Variants in AGBL4 observed in about 807,000 individuals in gnomAD.
AGBL4 encodes the protein AGBL carboxypeptidase 4, also known as cytosolic carboxypeptidase 6.
In AGBL4, 58 loss-of-function variants were observed where a neutral mutation model predicts 66.4. That is an observed-to-expected ratio of 0.87 (90% CI 0.71 to 1.09). AGBL4 has a LOEUF of 1.09. AGBL4 is among the 50% of genes least tolerant of loss of function. The pLI is 0.00. For missense variants in AGBL4, 579 were observed against 631.0 expected, an observed-to-expected ratio of 0.92 and a Z score of 0.88; for synonymous variants, 234 against 222.9, an observed-to-expected ratio of 1.05 and a Z score of -0.44.
At chr1:49,555,381 G>A (rs1653346138) in intron 3 of AGBL4, among the ~76,000 whole-genome samples, 1 of 145,258 alleles carries the variant, frequency 6.9e-6, no homozygotes, top group South Asian at 2.2e-4. Flanking sequence ...CAATCCTTTA[G>A]CTAGACACAA....
At position 49,485,054 on chromosome 1, in the gene AGBL4, C is replaced by T. The variant is rs547196849; in HGVS notation, c.282+212259G>A. ...CATTGGGGAAGTCAGTGTGGCGATT[C>T]CTCAGGGATCTAGAACTAGAAATAC... On this transcript the variant is annotated intron_variant, in intron 3 of 13. Coordinates refer to ENST00000371839, the MANE Select transcript of AGBL4 (RefSeq NM_032785.4). Among the ~76,000 whole-genome samples, 240 of 152,018 alleles carry T rather than the reference C, an allele frequency of 1.6e-3. 2 individuals are homozygous for T. The highest frequency in any genetic ancestry group is 4.9e-3 in the African/African-American group (204 of 41,488).
chr1:49,864,766 T>C (rs1227222374), intron 1 of AGBL4, among the ~76,000 whole-genome samples: 1 of 152,102 alleles, frequency 6.6e-6, no homozygotes, highest in African/African-American at 2.4e-5. Flanking sequence ...TGCCTAAAAT[T>C]ATCAAGTTCC....
chr1:49,627,905 T>C (rs78784163), intron 3 of AGBL4, among the ~76,000 whole-genome samples: 1 of 152,290 alleles, frequency 6.6e-6, no homozygotes, highest in African/African-American at 2.4e-5. Context: ...ATCCCAGATA[T>C]ACCATTTCCA....
chr1:48,770,346 G>A lies in AGBL4; in HGVS notation c.634+96845C>T, dbSNP rs1644751150. On this transcript the variant is annotated intron_variant, in intron 6 of 13. Transcript: ENST00000371839. ...GAAACCCAAACAAGCCTAGTTCTAG[G>A]ATCCAAAGACCTCTCTTCTCATTTG... 2.0e-5 allele frequency among the ~76,000 whole-genome samples: 3 copies of A among 152,146 alleles called. No individual in the cohort carries two copies. In the South Asian group the frequency reaches 6.2e-4, roughly 32 times the overall value.
chr1:48,967,846 A>G (rs1658568822), intron 5 of AGBL4, among the ~76,000 whole-genome samples: 1 of 152,182 alleles, frequency 6.6e-6, no homozygotes, highest in African/African-American at 2.4e-5. Context: ...GTTGTTCTGT[A>G]TGCTCTAGAA....
intron 4 of AGBL4, among the ~76,000 whole-genome samples, chr1:49,049,969 T>A (rs1360511227): frequency 6.6e-6 from 1 of 152,108 alleles, no homozygotes; most frequent in Non-Finnish European, 1.5e-5. Flanking sequence ...ATTCATATTA[T>A]ATCAATGGTA....
At chr1:49,692,231 G>T (rs933639682) in intron 3 of AGBL4, among the ~76,000 whole-genome samples, 1 of 152,126 alleles carries the variant, frequency 6.6e-6, no homozygotes, top group African/African-American at 2.4e-5. Context: ...AGAAAACTGA[G>T]GTACCAAGAG....
At chr1:49,299,389 C>T (rs1199294330) in intron 3 of AGBL4, among the ~76,000 whole-genome samples, 4 of 152,190 alleles carry the variant, frequency 2.6e-5, no homozygotes, top group Non-Finnish European at 5.9e-5. Context: ...AACATTACTA[C>T]TGTAGATGGG....
chr1:49,799,893 A>AT (rs1218579291), intron 2 of AGBL4, among the ~76,000 whole-genome samples: 1 of 152,174 alleles, frequency 6.6e-6, no homozygotes, highest in African/African-American at 2.4e-5. Flanking sequence ...AAATAAAATT[A>AT]TACCTTCCAC....
intron 4 of AGBL4, among the ~76,000 whole-genome samples, chr1:49,216,880 T>A (rs1435171550): frequency 1.3e-5 from 2 of 152,162 alleles, no homozygotes; most frequent in Non-Finnish European, 2.9e-5. Flanking sequence ...CCCAGCCATG[T>A]ATGAATTTGG....
intron 4 of AGBL4, among the ~76,000 whole-genome samples, chr1:49,202,754 A>T (rs1486213220): frequency 6.6e-6 from 1 of 152,146 alleles, no homozygotes; most frequent in African/African-American, 2.4e-5. Flanking sequence ...AAAAATAGAC[A>T]AATGAGACAA....
intron 3 of AGBL4, among the ~76,000 whole-genome samples, chr1:49,297,166 C>T (rs1164922276): frequency 6.6e-6 from 1 of 152,216 alleles, no homozygotes; most frequent in African/African-American, 2.4e-5. Context: ...TCACATCTGG[C>T]CAAGAGAATC....
At chr1:49,125,569 T>A (rs765811386) in intron 4 of AGBL4, among the ~76,000 whole-genome samples, 4 of 151,740 alleles carry the variant, frequency 2.6e-5, no homozygotes, top group Non-Finnish European at 5.9e-5. Context: ...ATGAGATATG[T>A]TAAGCTCTAC....
At chr1:48,946,628 C>T (rs996962170) in intron 5 of AGBL4, among the ~76,000 whole-genome samples, 2 of 152,192 alleles carry the variant, frequency 1.3e-5, no homozygotes, top group Non-Finnish European at 2.9e-5. Context: ...CACTCTGTGT[C>T]GGGTTCCTTC....
intron 2 of AGBL4, among the ~76,000 whole-genome samples, chr1:49,789,045 G>A (rs1644528422): frequency 6.6e-6 from 1 of 152,140 alleles, no homozygotes; most frequent in Non-Finnish European, 1.5e-5. Context: ...AGAGTTTTGA[G>A]CATGAAGCGG....
intron 5 of AGBL4, among the ~76,000 whole-genome samples, chr1:48,944,537 T>C (rs1656293498): frequency 6.6e-6 from 1 of 152,084 alleles, no homozygotes; most frequent in Non-Finnish European, 1.5e-5. Context: ...CCAGAAAGGC[T>C]ATGAAAGCAT....
intron 6 of AGBL4, among the ~76,000 whole-genome samples, chr1:48,723,112 C>A (rs1647177859): frequency 6.6e-6 from 1 of 152,196 alleles, no homozygotes; most frequent in African/African-American, 2.4e-5. Context: ...TGTAGCCTGC[C>A]ACACATGCAA....
intron 2 of AGBL4, among the ~76,000 whole-genome samples, chr1:49,789,825 T>C (rs1644550287): frequency 1.3e-5 from 2 of 152,164 alleles, no homozygotes; most frequent in South Asian, 2.1e-4. Context: ...AATTAGAAAA[T>C]ACTACTTTAC....
In AGBL4 at chr1:49,280,164, T is replaced by C. The variant is rs1210479040; in HGVS notation, c.283-34300A>G. On this transcript the variant is annotated intron_variant, in intron 3 of 13. Coordinates refer to ENST00000371839, the MANE Select transcript of AGBL4 (RefSeq NM_032785.4). The stretch of plus-strand genomic sequence containing the variant: ...AGGGACTCAGCACGCAGAAGGACCA[T>C]TTCCCACACCCCTATGATTGCACCC... Among the ~76,000 whole-genome samples, 6 of 151,824 alleles carry C rather than the reference T, an allele frequency of 4.0e-5. No homozygotes were observed. The East Asian group carries it at 9.7e-4, about 24-fold the overall frequency.
Sources: gnomAD v4.1 joint callset for allele counts (sites outside exome capture counted in the v4.1 genomes callset) on GRCh38, gnomAD v4.1.1 for gene constraint, MANE v1.5 for transcripts, NCBI Gene and HGNC (gene_info 2026-07-23, HGNC 2026-07-21) for gene names.